Variants in PER2 observed in about 807,000 individuals in gnomAD.
PER2 encodes the protein period circadian protein homolog 2.
PER2 carries 66 observed loss-of-function variants against 121.0 expected under a neutral mutation model. The ratio of observed to expected loss-of-function variants is 0.55; its 90% CI spans 0.45 to 0.67. The LOEUF (loss-of-function observed/expected upper bound fraction) is 0.67. PER2 is among the 30% of genes least tolerant of loss of function. PER2 has a pLI of 0.00. For synonymous variants in PER2, 684 were observed against 659.9 expected (o/e 1.04, Z -0.56); for missense variants, 1,521 against 1,635.0 (o/e 0.93, Z 1.20).
chr2:238,281,734 G>A (rs181564727), intron 1 of PER2, among the ~76,000 whole-genome samples: 14 of 152,336 alleles, frequency 9.2e-5, no homozygotes, highest in South Asian at 4.1e-4. Flanking sequence ...CACACTCAGC[G>A]TTGCTCAGGT....
In PER2 at chr2:238,261,029, C is replaced by G. The variant is rs1041494064; in HGVS notation, c.1417-76G>C. On this transcript the variant is annotated intron_variant, in intron 12 of 22. Coordinates refer to ENST00000254657, the MANE Select transcript of PER2 (RefSeq NM_022817.3). ...TGCATGTGGCCCCCTGCCAACACAC[C>G]CTGTTTCGCAGAGAGGATGGCGACC... The G allele has an allele frequency of 2.6e-6, 4 of 1,554,742 alleles. No individual in the cohort carries two copies. The East Asian group carries it at 9.0e-5, about 35-fold the overall frequency.
intron 3 of PER2, among the ~76,000 whole-genome samples, chr2:238,276,144 T>C (rs1443025104): frequency 6.7e-6 from 1 of 148,268 alleles, no homozygotes; most frequent in Non-Finnish European, 1.5e-5. Context: ...GGGTGGCCCT[T>C]TGTGGGGCTC....
rs765548048 is a variant in PER2 at position 238,253,580 on chromosome 2, C to T, written c.2443G>A (p.Gly815Arg). ...AGCGGGGGCCGGGCGGACACGGGCCCCCCAGATCCGGTGCTCTCAGATGAG... is the reference window on the plus strand; with the variant it reads ...AGCGGGGGCCGGGCGGACACGGGCCTCCCAGATCCGGTGCTCTCAGATGAG... ...RDSSESTGSG[G>R]PVSARPPLVG... is the part of the protein sequence containing the mutation. The change falls in exon 19 of 23, where the codon GGG (glycine) becomes AGG (arginine). Residue 815 changes from glycine to arginine, a missense_variant. By Grantham distance (125) the Gly-to-Arg change is moderately radical. Coordinates refer to ENST00000254657, the MANE Select transcript of PER2 (RefSeq NM_022817.3). This position sits in a 1 kb window ranked among gnomAD's most constrained non-coding sequence, Gnocchi z 5.6. The T allele has an allele frequency of 1.4e-5, 22 of 1,610,024 alleles. No individual in the cohort carries two copies. In the South Asian group the frequency reaches 2.0e-4, roughly 15 times the overall value.
rs1262081295 is a variant in PER2, at chr2:238,268,514, G to A, written c.825-316C>T. Among the ~76,000 whole-genome samples the A allele has an allele frequency of 6.6e-6, 1 of 152,248 alleles. No homozygotes were observed. Among genetic ancestry groups the A allele is most frequent in the African/African-American group, 2.4e-5 (1 of 41,468 alleles). On this transcript the variant is annotated intron_variant, in intron 7 of 22. Coordinates refer to ENST00000254657, the MANE Select transcript of PER2 (RefSeq NM_022817.3). This position sits in a 1 kb window ranked among gnomAD's most constrained non-coding sequence, Gnocchi z 4.0. ...CTGACTCCTGAGGGTGCCAGGGTCT[G>A]GCTCGGGGTCACTCCTGACAGTGCA...
intron 3 of PER2, among the ~76,000 whole-genome samples, 194 bp downstream of exon 3, chr2:238,276,937 G>A (rs1338580223): frequency 1.3e-5 from 2 of 152,144 alleles, no homozygotes; most frequent in Non-Finnish European, 2.9e-5. Flanking sequence ...GACATCCCGG[G>A]GGCTCTGGAC....
intron 1 of PER2, among the ~76,000 whole-genome samples, chr2:238,283,214 C>A (rs536223706): frequency 6.6e-6 from 1 of 152,352 alleles, no homozygotes; most frequent in Non-Finnish European, 1.5e-5. Context: ...AGTTGTCTTT[C>A]TTTCCTTCCT....
chr2:238,271,381 C>T lies in PER2; in HGVS notation c.703G>A (p.Asp235Asn), dbSNP rs368200140. The change falls in exon 6 of 23, where the codon GAT becomes AAT. Residue 235 changes from aspartate to asparagine, a missense_variant. Transcript: ENST00000254657. ...AKFVEFLAPH[D>N]VGVFHSFTSP... ...GTGAAACTGTGGAACACGCCCACAT[C>T]GTGAGGCGCCAGGAACTCCACAAAC... 2 of 1,614,164 alleles carry T rather than the reference C, an allele frequency of 1.2e-6. No individual in the cohort carries two copies. The highest frequency in any genetic ancestry group is 1.1e-5 in the South Asian group (1 of 91,080).
At chr2:238,251,094 G>A (rs1162106745) in intron 20 of PER2, among the ~76,000 whole-genome samples, 1 of 152,232 alleles carries the variant, frequency 6.6e-6, no homozygotes, top group East Asian at 1.9e-4. Flanking sequence ...AGCTGGCCTG[G>A]AGCGCTCCCT....
chr2:238,294,727 T>C (rs4459687), upstream of PER2, among the ~76,000 whole-genome samples: 147,472 of 152,308 alleles, frequency 0.97, 71,419 homozygotes, highest in East Asian at 1. Context: ...ATCTCATGGC[T>C]ACCCTCACCA....
chr2:238,259,986 T>C lies in PER2; in HGVS notation c.1610A>G (p.Lys537Arg). The change falls in exon 14 of 23, where the codon AAG becomes AGG. Residue 537 changes from lysine to arginine, a missense_variant. Transcript: ENST00000254657. The stretch of plus-strand genomic sequence containing the variant: ...TTTTTTACCTGTAACGGATTTTTTC[T>C]TTTGTTCTCCAGATTCATGAGAATA... Reference protein sequence around the residue: ...SHYSHESGEQKKKSVTEMQTN... With the variant: ...SHYSHESGEQRKKSVTEMQTN... The C allele has an allele frequency of 6.8e-7, 1 of 1,472,998 alleles. No homozygotes were observed. Among genetic ancestry groups the C allele is most frequent in the South Asian group, 1.2e-5 (1 of 86,218 alleles). The allele number at this position is 1,472,998 out of a possible 1,614,324, so 91.2% of individuals were successfully genotyped here.
rs972213717 is a variant in PER2, at chr2:238,245,232, C to A, written c.*1143G>T. The A allele has an allele frequency of 4.9e-5, 12 of 246,380 alleles. No homozygotes were observed. Among genetic ancestry groups the A allele is most frequent in the Admixed American group, 3.3e-4 (6 of 18,010 alleles). The allele number at this position is 246,380 out of a possible 1,614,324, so 15.3% of individuals were successfully genotyped here. On this transcript the variant is annotated 3_prime_UTR_variant, in exon 23 of 23. Coordinates refer to ENST00000254657, the MANE Select transcript of PER2 (RefSeq NM_022817.3). ...GAGGTTTTGTAAAAAGCCGGGCAGA[C>A]TGGCCTCACTTTTCCCCAAGTGTCC...
intron 4 of PER2, 118 bp downstream of exon 4, chr2:238,275,625 C>T (rs1696428186): frequency 1.8e-6 from 2 of 1,118,504 alleles, no homozygotes; most frequent in South Asian, 1.2e-5. Context: ...GAAGTCAAGG[C>T]TGCAGTGAGC....
At chr2:238,261,593 C>T in intron 12 of PER2, 136 bp downstream of exon 12, 2 of 702,848 alleles carry the variant, frequency 2.8e-6, no homozygotes. Flanking sequence ...CCAAACTGTC[C>T]CCTGGGGGAT....
At chr2:238,254,335 G>A (rs1352383664) in intron 18 of PER2, 3 of 154,538 alleles carry the variant, frequency 1.9e-5, no homozygotes, top group Non-Finnish European at 4.3e-5. Context: ...GGCCTCCCTG[G>A]GGAGTGGGAG....
chr2:238,267,323 C>G (rs563274350), intron 8 of PER2, among the ~76,000 whole-genome samples: 11 of 152,342 alleles, frequency 7.2e-5, no homozygotes, highest in African/African-American at 2.6e-4. Context: ...GCCTTGTAAC[C>G]TCTGAGCTTC....
chr2:238,264,885 C>T (rs753696592), intron 9 of PER2, among the ~76,000 whole-genome samples: 7 of 152,224 alleles, frequency 4.6e-5, no homozygotes, highest in Non-Finnish European at 8.8e-5. Flanking sequence ...AGTGATGCTC[C>T]TATCTCAGCT....
upstream of PER2, chr2:238,289,710 T>TAA (rs1191730371): frequency 6.6e-6 from 1 of 152,210 alleles, no homozygotes; most frequent in African/African-American, 2.4e-5. Context: ...AGGGACGCCT[T>TAA]ACAACGGTGC....
intron 5 of PER2, among the ~76,000 whole-genome samples, chr2:238,272,735 T>G (rs1696327870): frequency 6.6e-6 from 1 of 152,142 alleles, no homozygotes; most frequent in Non-Finnish European, 1.5e-5. Flanking sequence ...CCTGGACAAG[T>G]GAACTGACTG....
Position 238,268,182 on chromosome 2 carries a change from C to T in PER2, c.841G>A (p.Glu281Lys), listed in dbSNP as rs1175044281. ...AAGGGGTGGTAGCGGATTTCATTCT[C>T]GTGGCTTTTCCGGACACTGCGGAGA... ...FCRVSVRKSH[E>K]NEIRYHPFRM... is the part of the protein sequence containing the mutation. The change falls in exon 8 of 23, where the codon GAG becomes AAG. Residue 281 changes from glutamate (E) to lysine (K), a missense_variant. By Grantham distance (56) the Glu-to-Lys change is moderately conservative (BLOSUM62 1). Coordinates refer to ENST00000254657, the MANE Select transcript of PER2 (RefSeq NM_022817.3). The surrounding 1 kb of genome is among the most constrained non-coding windows in gnomAD (Gnocchi z 4.0). The T allele has an allele frequency of 3.7e-6, 6 of 1,613,904 alleles. No homozygotes were observed. Among genetic ancestry groups the T allele is most frequent in the African/African-American group, 2.7e-5 (2 of 74,926 alleles).
Sources: gnomAD v4.1 joint callset for allele counts (sites outside exome capture counted in the v4.1 genomes callset) on GRCh38, gnomAD v4.1.1 for gene constraint, Gnocchi (gnomAD v3.1) non-coding constraint, MANE v1.5 for transcripts, NCBI Gene and HGNC (gene_info 2026-07-23, HGNC 2026-07-21) for gene names.